SEZ6L: variants seen among roughly 807,000 people sequenced by gnomAD.
SEZ6L encodes the protein seizure related 6 homolog like, also known as seizure 6-like protein.
In SEZ6L, 37 loss-of-function variants were observed where a neutral mutation model predicts 106.2. That is an observed-to-expected ratio of 0.35 (90% CI 0.27 to 0.46). The LOEUF is 0.46. Ranked by LOEUF, SEZ6L falls within the 20% of genes least tolerant of loss-of-function variation. The probability of loss-of-function intolerance (pLI) is 1.00; values close to 1 mark genes in which losing one functional copy is unlikely to be tolerated. For synonymous variants in SEZ6L, 541 were observed against 570.4 expected (o/e 0.95, Z 0.73); for missense variants, 1,172 against 1,332.8 (o/e 0.88, Z 1.88).
At chr22:26,340,873 CT>C (rs1051373693) in intron 10 of SEZ6L, among the ~76,000 whole-genome samples, 1 of 152,156 alleles carries the variant, frequency 6.6e-6, no homozygotes, top group Non-Finnish European at 1.5e-5. Flanking sequence ...TCTGAGCCTT[CT>C]TTTTGTCATC....
At position 26,272,217 on chromosome 22, in the gene SEZ6L, A is replaced by T. The variant is rs535335354; in HGVS notation, c.95-20189A>T. ...TGTGATGGAAATGTTTTGCATATTT[A>T]TCTGGTAGCTATTTATCTAGGTCCT... is the stretch of plus-strand genomic sequence containing the variant. On this transcript the variant is annotated intron_variant, in intron 1 of 16. Transcript: ENST00000248933. Among the ~76,000 whole-genome samples, 7 of 152,352 alleles carry T rather than the reference A, an allele frequency of 4.6e-5. No homozygotes were observed. The South Asian group carries it at 1.4e-3, about 32-fold the overall frequency.
chr22:26,243,841 C>T (rs1207404), intron 1 of SEZ6L, among the ~76,000 whole-genome samples: 34,192 of 151,640 alleles, frequency 0.23, 4,484 homozygotes, highest in South Asian at 0.33. Context: ...GCAGGGAGGC[C>T]TGGCGTGGTG....
intron 1 of SEZ6L, among the ~76,000 whole-genome samples, chr22:26,185,627 C>A (rs1409271033): frequency 6.6e-6 from 1 of 152,146 alleles, no homozygotes; most frequent in Non-Finnish European, 1.5e-5. Flanking sequence ...GATGATTCGA[C>A]CCCCAAGCCA....
intron 1 of SEZ6L, among the ~76,000 whole-genome samples, chr22:26,264,598 T>C (rs547887045): frequency 6.6e-6 from 1 of 152,338 alleles, no homozygotes; most frequent in South Asian, 2.1e-4. Flanking sequence ...CTGGCAAACT[T>C]TTTCTCTAAA....
chr22:26,177,933 C>A (rs1354868699), intron 1 of SEZ6L, among the ~76,000 whole-genome samples: 2 of 152,210 alleles, frequency 1.3e-5, no homozygotes, highest in Admixed American at 1.3e-4. Context: ...AAAGTCCCAA[C>A]TGTGAGTGGC....
intron 1 of SEZ6L, among the ~76,000 whole-genome samples, chr22:26,190,870 G>A (rs1403024045): frequency 6.6e-6 from 1 of 152,202 alleles, no homozygotes; most frequent in Non-Finnish European, 1.5e-5. Flanking sequence ...TAAAGGAACT[G>A]AGTGTGTGCT....
At chr22:26,276,664 GA>G (rs1447016057) in intron 1 of SEZ6L, among the ~76,000 whole-genome samples, 1 of 152,164 alleles carries the variant, frequency 6.6e-6, no homozygotes, top group Non-Finnish European at 1.5e-5. Context: ...ATGACTCACT[GA>G]TTTTTTGTGT....
chr22:26,349,858 C>G (rs2083213859), intron 11 of SEZ6L, among the ~76,000 whole-genome samples: 2 of 152,120 alleles, frequency 1.3e-5, no homozygotes, highest in African/African-American at 4.8e-5. Context: ...TCATATCATA[C>G]ATGTTGTCCA....
rs555262140 is a variant in SEZ6L at position 26,381,388 on chromosome 22, G to A, written c.*1093G>A. ...TACTTGCCATCAAGTATTTCAGGGG[G>A]CGGGAGGGTCCCATGAGAAGAAACT... On this transcript the variant is annotated 3_prime_UTR_variant, in exon 17 of 17. Coordinates refer to ENST00000248933, the MANE Select transcript of SEZ6L (RefSeq NM_021115.5). The A allele has an allele frequency of 3.9e-5, 6 of 152,366 alleles. No homozygotes were observed. The highest frequency in any genetic ancestry group is 1.4e-4 in the African/African-American group (6 of 41,568). 9.4% of individuals were successfully genotyped at this position (152,366 alleles called of 1,614,324 possible).
chr22:26,308,949 A>G (rs635755), intron 6 of SEZ6L, among the ~76,000 whole-genome samples: 30,352 of 152,132 alleles, frequency 0.2, 3,498 homozygotes, highest in Non-Finnish European at 0.26. Flanking sequence ...AAGACTATGT[A>G]GATGCCCCTT....
At chr22:26,357,044 C>T (rs1261400306) in intron 12 of SEZ6L, among the ~76,000 whole-genome samples, 2 of 152,082 alleles carry the variant, frequency 1.3e-5, no homozygotes, top group East Asian at 1.9e-4. Context: ...CTCCACCTCC[C>T]GGGTTCACGC....
At chr22:26,344,871 G>A (rs1482575942) in intron 10 of SEZ6L, among the ~76,000 whole-genome samples, 1 of 152,218 alleles carries the variant, frequency 6.6e-6, no homozygotes, top group Non-Finnish European at 1.5e-5. Flanking sequence ...GCTTAGAGCA[G>A]TTAATTGGCA....
At chr22:26,285,593 G>T in intron 1 of SEZ6L, among the ~76,000 whole-genome samples, 1 of 152,170 alleles carries the variant, frequency 6.6e-6, no homozygotes, top group Non-Finnish European at 1.5e-5. Flanking sequence ...GGTGATGGGA[G>T]GGTAGGGCAT....
chr22:26,253,370 G>A (rs888639508), intron 1 of SEZ6L, among the ~76,000 whole-genome samples: 1 of 152,106 alleles, frequency 6.6e-6, no homozygotes, highest in East Asian at 1.9e-4. Context: ...TGCTGCTGCT[G>A]ATGATGATGA....
chr22:26,325,961 C>T (rs891031240), intron 9 of SEZ6L, among the ~76,000 whole-genome samples: 1 of 151,198 alleles, frequency 6.6e-6, no homozygotes, highest in Non-Finnish European at 1.5e-5. Flanking sequence ...ACACATTGAT[C>T]CCTCTGAGCT....
chr22:26,234,856 C>A (rs753412560), intron 1 of SEZ6L, among the ~76,000 whole-genome samples: 1 of 152,202 alleles, frequency 6.6e-6, no homozygotes, highest in Non-Finnish European at 1.5e-5. Flanking sequence ...AGAGAAATGA[C>A]CTCGGGTATC....
In SEZ6L at chr22:26,292,479, T is replaced by C; in HGVS notation, c.168T>C (p.Ser56=). ...CCTCAGGAGCCCCGGAGAGAGGCAG[T>C]CCTGGCAAAGAGCACCCTGAAGAGA... ...LLPSGAPERG[S]PGKEHPEERV... The change falls in exon 2 of 17, where the codon AGT becomes AGC. Residue 56 remains serine (S), a synonymous_variant. Transcript: ENST00000248933. 1 of 1,613,924 alleles carries C rather than the reference T, an allele frequency of 6.2e-7. No homozygotes were observed. The highest frequency in any genetic ancestry group is 1.3e-5 in the African/African-American group (1 of 75,012).
chr22:26,372,550 G>A (rs1172749856), intron 13 of SEZ6L, among the ~76,000 whole-genome samples: 1 of 152,112 alleles, frequency 6.6e-6, no homozygotes, highest in African/African-American at 2.4e-5. Flanking sequence ...GGGTGTCTTG[G>A]GATTGGGGAC....
intron 1 of SEZ6L, among the ~76,000 whole-genome samples, chr22:26,288,550 CAT>C (rs1231130243): frequency 6.6e-6 from 1 of 152,172 alleles, no homozygotes; most frequent in Admixed American, 6.5e-5. Context: ...TCTTTGGGGT[CAT>C]AAAAACCAAG....
Sources: allele counts gnomAD v4.1 joint callset (sites outside exome capture counted in the v4.1 genomes callset), GRCh38; gene constraint gnomAD v4.1.1; transcripts MANE v1.5; gene names NCBI Gene and HGNC (gene_info 2026-07-23, HGNC 2026-07-21).